SLC44A5: variants seen among roughly 807,000 people sequenced by gnomAD.
SLC44A5 encodes choline transporter-like protein 5.
SLC44A5 carries 57 observed loss-of-function variants against 101.8 expected under a neutral mutation model. That is an observed-to-expected ratio of 0.56 (90% CI 0.45 to 0.70). The LOEUF is 0.70. Ranked by LOEUF, SLC44A5 falls within the 30% of genes least tolerant of loss-of-function variation. The pLI is 0.00. For synonymous variants in SLC44A5, 281 were observed against 290.9 expected (o/e 0.97, Z 0.35); for missense variants, 737 against 853.1 (o/e 0.86, Z 1.70).
At chr1:75,391,326 C>T (rs148463542) in intron 3 of SLC44A5, among the ~76,000 whole-genome samples, 11 of 152,234 alleles carry the variant, frequency 7.2e-5, no homozygotes, top group Admixed American at 3.9e-4. Context: ...CCACCAACAC[C>T]ATTTTTTGCA....
intron 1 of SLC44A5, among the ~76,000 whole-genome samples, chr1:75,565,986 G>A (rs1672765683): frequency 6.6e-6 from 1 of 152,066 alleles, no homozygotes; most frequent in Non-Finnish European, 1.5e-5. Flanking sequence ...TGTTAAAAAA[G>A]AAAAAGGAAA....
chr1:75,705,529 C>A, the SLC44A5 span, among the ~76,000 whole-genome samples: 1 of 152,172 alleles, frequency 6.6e-6, no homozygotes, highest in African/African-American at 2.4e-5. Flanking sequence ...ACTATACTCA[C>A]AAAACTTTTC....
chr1:75,712,644 G>A, the SLC44A5 span, among the ~76,000 whole-genome samples: 1 of 125,358 alleles, frequency 8.0e-6, no homozygotes, highest in African/African-American at 3.1e-5. Flanking sequence ...AAAACATAAT[G>A]TAATGTGCCC....
intron 1 of SLC44A5, among the ~76,000 whole-genome samples, chr1:75,552,253 G>T (rs1410801034): frequency 1.3e-5 from 2 of 151,968 alleles, no homozygotes; most frequent in African/African-American, 4.8e-5. Flanking sequence ...TCCATCCCTA[G>T]TATCTGTAAA....
chr1:75,505,166 G>C (rs189861942), intron 2 of SLC44A5, among the ~76,000 whole-genome samples: 1 of 152,080 alleles, frequency 6.6e-6, no homozygotes. Context: ...CAAAGGACAT[G>C]ATTTTGTTCT....
rs542579302 is a variant in SLC44A5, at chr1:75,534,449, A to C, written c.13+6986T>G. ...ATTTTCATTCTAAAGCAATCAAAAC[A>C]TAAGAAGCAAACCTTTGACAGAGAG... On this transcript the variant is annotated intron_variant, in intron 2 of 23. Transcript: ENST00000370859. 2.0e-5 allele frequency among the ~76,000 whole-genome samples: 3 copies of C among 152,320 alleles called. No individual in the cohort carries two copies. In the East Asian group the frequency reaches 5.8e-4, roughly 29 times the overall value.
At chr1:75,329,436 A>T (rs1656854577) in intron 4 of SLC44A5, among the ~76,000 whole-genome samples, 1 of 138,934 alleles carries the variant, frequency 7.2e-6, no homozygotes, top group East Asian at 3.4e-4. Flanking sequence ...CCTCCAAGAA[A>T]CATTTCTTGA....
At chr1:75,482,791 T>G (rs926589559) in intron 2 of SLC44A5, among the ~76,000 whole-genome samples, 3 of 152,206 alleles carry the variant, frequency 2.0e-5, no homozygotes, top group African/African-American at 7.2e-5. Context: ...TATTTTGTTT[T>G]AAAAAGTAAA....
At chr1:75,628,192 C>T in the SLC44A5 span, among the ~76,000 whole-genome samples, 1 of 151,962 alleles carries the variant, frequency 6.6e-6, no homozygotes, top group Non-Finnish European at 1.5e-5. Flanking sequence ...AGAAGTTTCC[C>T]TCTGCCTCAG....
intron 4 of SLC44A5, among the ~76,000 whole-genome samples, chr1:75,326,821 T>G (rs1367890310): frequency 6.6e-6 from 1 of 152,078 alleles, no homozygotes; most frequent in African/African-American, 2.4e-5. Flanking sequence ...GTTGCAACTT[T>G]AGCTCCAAAA....
At chr1:75,238,720 A>G in intron 9 of SLC44A5, 84 bp from the exon 10 acceptor site, 5 of 894,498 alleles carry the variant, frequency 5.6e-6, no homozygotes, top group Non-Finnish European at 7.9e-6. Context: ...TTTCTGTTAT[A>G]TATAATCAAA....
chr1:75,493,870 G>C (rs527960497), intron 2 of SLC44A5, among the ~76,000 whole-genome samples: 1 of 152,262 alleles, frequency 6.6e-6, no homozygotes, highest in East Asian at 1.9e-4. Context: ...TACACAAAGT[G>C]ACTGAGGAAA....
intron 4 of SLC44A5, among the ~76,000 whole-genome samples, chr1:75,314,909 A>T (rs1030655568): frequency 6.6e-6 from 1 of 152,156 alleles, no homozygotes; most frequent in Non-Finnish European, 1.5e-5. Flanking sequence ...CTGTCTCATC[A>T]TGCTGCAAAG....
intron 2 of SLC44A5, among the ~76,000 whole-genome samples, chr1:75,505,448 C>G (rs566774739): frequency 1.3e-5 from 2 of 152,112 alleles, no homozygotes; most frequent in African/African-American, 4.8e-5. Flanking sequence ...TCCACAGTGG[C>G]TGAACTAATT....
intron 2 of SLC44A5, among the ~76,000 whole-genome samples, chr1:75,496,716 A>T (rs1451050111): frequency 6.6e-6 from 1 of 152,042 alleles, no homozygotes; most frequent in African/African-American, 2.4e-5. Flanking sequence ...GAAAGAAAAT[A>T]TTCCAAACCA....
At chr1:75,607,507 G>A (rs530637475) in intron 1 of SLC44A5, among the ~76,000 whole-genome samples, 4 of 151,874 alleles carry the variant, frequency 2.6e-5, no homozygotes, top group Non-Finnish European at 4.4e-5. Context: ...ATATGTACAC[G>A]TTGTATAATA....
At chr1:75,582,581 A>G (rs1673759218) in intron 1 of SLC44A5, 3 of 393,324 alleles carry the variant, frequency 7.6e-6, no homozygotes, top group Admixed American at 7.6e-5. Context: ...ATCTGCCAAT[A>G]TGAGGACAGA....
chr1:75,640,797 G>C, the SLC44A5 span, among the ~76,000 whole-genome samples: 68 of 152,180 alleles, frequency 4.5e-4, 1 homozygote, highest in South Asian at 0.014. Context: ...ATGCAGGCTC[G>C]AATGTCCTTA....
intron 18 of SLC44A5, 90 bp downstream of exon 18, chr1:75,217,776 T>A (rs945329586): frequency 2.3e-5 from 19 of 826,762 alleles, no homozygotes; most frequent in Middle Eastern, 2.2e-4. Flanking sequence ...TCATCCTTAC[T>A]ACCCTAGTCC....
Sources: allele counts gnomAD v4.1 joint callset (sites outside exome capture counted in the v4.1 genomes callset), GRCh38; gene constraint gnomAD v4.1.1; transcripts MANE v1.5; gene names NCBI Gene and HGNC (gene_info 2026-07-23, HGNC 2026-07-21).